WASF3: variants seen among roughly 807,000 people sequenced by gnomAD.
WASF3 encodes the protein actin-binding protein WASF3.
A neutral mutation model predicts 46.6 loss-of-function variants in WASF3; 11 were observed. That is an observed-to-expected ratio of 0.24 (90% CI 0.15 to 0.39). The LOEUF (loss-of-function observed/expected upper bound fraction) is 0.39. Among genes scored for constraint, WASF3 ranks in the 10% least tolerant of loss-of-function variants. The pLI, the probability that WASF3 is intolerant of heterozygous loss-of-function variation, is 1.00. For synonymous variants in WASF3, 242 were observed against 259.7 expected, an observed-to-expected ratio of 0.93 and a Z score of 0.65; for missense variants, 576 against 669.8, an observed-to-expected ratio of 0.86 and a Z score of 1.55.
intron 3 of WASF3, 75 bp from the exon 4 acceptor site, chr13:26,664,953 C>T: frequency 1.4e-6 from 2 of 1,462,728 alleles, no homozygotes; most frequent in Non-Finnish European, 9.5e-7. Flanking sequence ...CAGGAATAAG[C>T]ACTGGTGAGG....
intron 1 of WASF3, among the ~76,000 whole-genome samples, chr13:26,569,278 G>A (rs1879562891): frequency 6.6e-6 from 1 of 152,214 alleles, no homozygotes; most frequent in South Asian, 2.1e-4. Flanking sequence ...GTGTCTAGCT[G>A]TTGTACCTAA....
chr13:26,681,249 G>GCCC lies in WASF3; in HGVS notation c.918_920dup (p.Pro310dup). On this transcript the variant is annotated inframe_insertion, in exon 8 of 10. Transcript: ENST00000335327. ...TGGCCCTCAACAGACCTCAGCAGCC[G>GCCC]CCCCCCCCGCCTCCCCCTCAGGCCC... 6.2e-7 allele frequency: 1 copy of GCCC among 1,609,952 alleles called. No homozygotes were observed.
intron 3 of WASF3, among the ~76,000 whole-genome samples, chr13:26,662,585 G>A (rs1882660619): frequency 6.6e-6 from 1 of 152,210 alleles, no homozygotes; most frequent in Admixed American, 6.5e-5. Flanking sequence ...TTTTAAGTGG[G>A]AGCTAAGCAC....
chr13:26,576,001 GTAT>G (rs751989180), intron 1 of WASF3, among the ~76,000 whole-genome samples: 23 of 151,952 alleles, frequency 1.5e-4, no homozygotes, highest in Non-Finnish European at 2.5e-4. Flanking sequence ...TTTTTTTAGA[GTAT>G]TATTTTAAAT....
intron 7 of WASF3, among the ~76,000 whole-genome samples, chr13:26,677,453 A>G (rs1049230614): frequency 6.6e-6 from 1 of 152,242 alleles, no homozygotes; most frequent in African/African-American, 2.4e-5. Flanking sequence ...GCATTTAAAA[A>G]TTTGAATAGA....
chr13:26,642,821 A>G (rs532837594), intron 3 of WASF3, among the ~76,000 whole-genome samples: 1 of 152,330 alleles, frequency 6.6e-6, no homozygotes, highest in Admixed American at 6.5e-5. Context: ...GGCACATAGT[A>G]CCTACTTAAT....
intron 1 of WASF3, among the ~76,000 whole-genome samples, chr13:26,578,610 A>G (rs1879873272): frequency 6.6e-6 from 1 of 152,192 alleles, no homozygotes; most frequent in African/African-American, 2.4e-5. Flanking sequence ...GGAAAGCATA[A>G]GGAATAATGT....
At position 26,687,102 on chromosome 13, in the gene WASF3, A is replaced by G. The variant is rs1883429938; in HGVS notation, c.*1257A>G. On this transcript the variant is annotated 3_prime_UTR_variant, in exon 10 of 10. Transcript: ENST00000335327. ...CCCTTCCTGTTGTTCCCACGTGGGC[A>G]ATACCAGGGACCCATGGGGAAACTC... 2 of 152,272 alleles carry G rather than the reference A, an allele frequency of 1.3e-5. No individual in the cohort carries two copies. Among genetic ancestry groups the G allele is most frequent in the East Asian group, 1.9e-4 (1 of 5,192 alleles). 9.4% of individuals were successfully genotyped at this position (152,272 alleles called of 1,614,324 possible). A position where few individuals can be genotyped will look rare whatever the true frequency, so the allele number is the denominator to read the frequency against.
In WASF3 at chr13:26,686,982, C is replaced by T. The variant is rs1470285027; in HGVS notation, c.*1137C>T. 1 of 151,696 alleles carries T rather than the reference C, an allele frequency of 6.6e-6. No homozygotes were observed. The highest frequency in any genetic ancestry group is 1.5e-5 in the Non-Finnish European group (1 of 67,658). 9.4% of individuals were successfully genotyped at this position (151,696 alleles called of 1,614,324 possible). A position where few individuals can be genotyped will look rare whatever the true frequency, so the allele number is the denominator to read the frequency against. On this transcript the variant is annotated 3_prime_UTR_variant, in exon 10 of 10. Coordinates refer to ENST00000335327, the MANE Select transcript of WASF3 (RefSeq NM_006646.6). ...CCTGTTCTAGAAGCACATGGTTGTC[C>T]TCCTGTTGTTGGCACATTAAATGAT...
In WASF3 at chr13:26,688,859, ATC is replaced by A. The variant is rs1211070538; in HGVS notation, c.*3016_*3017del. ...TAAAAAAAACTGTTAAACAATTTTT[ATC>A]TGTTTGTATATCTTACTATAGATTA... On this transcript the variant is annotated 3_prime_UTR_variant, in exon 10 of 10. Coordinates refer to ENST00000335327, the MANE Select transcript of WASF3 (RefSeq NM_006646.6). The A allele has an allele frequency of 6.6e-6, 1 of 152,208 alleles. No individual in the cohort carries two copies. 9.4% of individuals were successfully genotyped at this position (152,208 alleles called of 1,614,324 possible).
intron 2 of WASF3, among the ~76,000 whole-genome samples, chr13:26,632,099 A>G (rs1384235195): frequency 6.6e-6 from 1 of 152,204 alleles, no homozygotes; most frequent in Non-Finnish European, 1.5e-5. Context: ...TTCTAAATAT[A>G]CAATCATGTC....
chr13:26,680,022 G>A, intron 7 of WASF3: 1 of 1,593,750 alleles, frequency 6.3e-7, no homozygotes, highest in Non-Finnish European at 8.5e-7. Flanking sequence ...TGTGTGTTTG[G>A]TATTTCCTTC....
the WASF3 span, among the ~76,000 whole-genome samples, chr13:26,541,036 C>T: frequency 2.6e-5 from 4 of 152,228 alleles, no homozygotes; most frequent in Admixed American, 1.3e-4. Context: ...AAGTATTTTG[C>T]TTTTCTTCAT....
intron 2 of WASF3, among the ~76,000 whole-genome samples, chr13:26,632,762 T>C (rs914078129): frequency 3.3e-5 from 5 of 152,208 alleles, no homozygotes; most frequent in Admixed American, 1.3e-4. Flanking sequence ...AGCTCCTCTT[T>C]GTACCTCTGG....
At chr13:26,647,650 T>C (rs1226728220) in intron 3 of WASF3, among the ~76,000 whole-genome samples, 1 of 152,166 alleles carries the variant, frequency 6.6e-6, no homozygotes, top group Non-Finnish European at 1.5e-5. Context: ...ATGTATGGTT[T>C]TGCTACTTTT....
intron 1 of WASF3, among the ~76,000 whole-genome samples, chr13:26,563,944 G>C (rs1010736727): frequency 6.6e-6 from 1 of 152,066 alleles, no homozygotes; most frequent in African/African-American, 2.4e-5. Context: ...ATTTCCCTGG[G>C]ATCTTTTCTC....
In WASF3 at chr13:26,679,862, A is replaced by C. The variant is rs761473336; in HGVS notation, c.717-1192A>C. 2.0e-5 allele frequency among the ~76,000 whole-genome samples: 3 copies of C among 152,192 alleles called. No homozygotes were observed. Among genetic ancestry groups the C allele is most frequent in the Non-Finnish European group, 4.4e-5 (3 of 68,042 alleles). ...AGTAGTTATTAGTTGTTACACTTCA[A>C]TTAAGGAAGGAAAAAGGAAAAGAAG... On this transcript the variant is annotated intron_variant, in intron 7 of 9. Transcript: ENST00000335327. The surrounding 1 kb of genome is among the most constrained non-coding windows in gnomAD (Gnocchi z 4.8).
At chr13:26,639,259 A>C (rs1881921839) in intron 2 of WASF3, among the ~76,000 whole-genome samples, 3 of 152,212 alleles carry the variant, frequency 2.0e-5, no homozygotes. Flanking sequence ...TGTCTTTTGT[A>C]TTTATACAGG....
chr13:26,568,384 A>G (rs1271848863), intron 1 of WASF3, among the ~76,000 whole-genome samples: 1 of 152,088 alleles, frequency 6.6e-6, no homozygotes, highest in Non-Finnish European at 1.5e-5. Context: ...GAAAGAGATC[A>G]CTGTAATGCA....
Sources: allele counts gnomAD v4.1 joint callset (sites outside exome capture counted in the v4.1 genomes callset), GRCh38; gene constraint gnomAD v4.1.1; non-coding constraint Gnocchi (gnomAD v3.1); transcripts MANE v1.5; gene names NCBI Gene and HGNC (gene_info 2026-07-23, HGNC 2026-07-21).